RNF144B: variants seen among roughly 807,000 people sequenced by gnomAD.
RNF144B encodes ring finger protein 144B.
In RNF144B, 25 loss-of-function variants were observed where a neutral mutation model predicts 40.2. The observed-to-expected ratio is 0.62, with a 90% CI of 0.45 to 0.87. RNF144B has a LOEUF of 0.87. Among genes scored for constraint, RNF144B ranks in the 40% least tolerant of loss-of-function variants. The probability of loss-of-function intolerance (pLI) is 0.00; values close to 1 mark genes in which losing one functional copy is unlikely to be tolerated. For synonymous variants in RNF144B, 145 were observed against 136.3 expected (o/e 1.06, Z -0.44); for missense variants, 365 against 373.7 (o/e 0.98, Z 0.19).
Position 18,423,189 on chromosome 6 carries a change from G to A in RNF144B, c.166-4392G>A, listed in dbSNP as rs562996289. Among the ~76,000 whole-genome samples the A allele has an allele frequency of 1.4e-4, 22 of 152,238 alleles. No homozygotes were observed. In the East Asian group the frequency reaches 4.3e-3, roughly 29 times the overall value. On this transcript the variant is annotated intron_variant, in intron 2 of 7. Coordinates refer to ENST00000259939, the MANE Select transcript of RNF144B (RefSeq NM_182757.4). Reference sequence around the variant, plus strand: ...GAATGGGGGACTCTCCATTTTCCCTGAGAGCAGCTTAGACAGGTGATATTG... The same window carrying A: ...GAATGGGGGACTCTCCATTTTCCCTAAGAGCAGCTTAGACAGGTGATATTG...
rs564060343 is a variant in RNF144B, at chr6:18,419,199, C to T, written c.166-8382C>T. On this transcript the variant is annotated intron_variant, in intron 2 of 7. Coordinates refer to ENST00000259939, the MANE Select transcript of RNF144B (RefSeq NM_182757.4). The surrounding 1 kb of genome is among the most constrained non-coding windows in gnomAD (Gnocchi z 4.6). ...TCTCTGAAGTTCCTTATCCTCTGTCCATCCACCCCTCCTCCTCCTGCCTAT... is the reference window on the plus strand; with the variant it reads ...TCTCTGAAGTTCCTTATCCTCTGTCTATCCACCCCTCCTCCTCCTGCCTAT... Among the ~76,000 whole-genome samples, 2 of 152,256 alleles carry T rather than the reference C, an allele frequency of 1.3e-5. No homozygotes were observed. Among genetic ancestry groups the T allele is most frequent in the East Asian group, 1.9e-4 (1 of 5,188 alleles).
Position 18,447,605 on chromosome 6 carries a change from A to G in RNF144B, c.331+7861A>G, listed in dbSNP as rs546939175. ...GGCTGTGGTAGTGATCCAGTCCAAA[A>G]CAGTACAGTAGATTATATGTTAAAA... On this transcript the variant is annotated intron_variant, in intron 4 of 7. Transcript: ENST00000259939. The surrounding 1 kb of genome is among the most constrained non-coding windows in gnomAD (Gnocchi z 5.6). Among the ~76,000 whole-genome samples the G allele has an allele frequency of 5.9e-5, 9 of 152,278 alleles. No homozygotes were observed. The East Asian group carries it at 1.5e-3, about 26-fold the overall frequency.
At chr6:18,435,529 G>A (rs1758797008) in intron 3 of RNF144B, among the ~76,000 whole-genome samples, 1 of 152,270 alleles carries the variant, frequency 6.6e-6, no homozygotes, top group African/African-American at 2.4e-5. Flanking sequence ...TTTTTGGCAA[G>A]AATTGTCAGT....
At chr6:18,463,691 C>G (rs1307339030) in intron 7 of RNF144B, among the ~76,000 whole-genome samples, 1 of 152,184 alleles carries the variant, frequency 6.6e-6, no homozygotes, top group Admixed American at 6.5e-5. Flanking sequence ...TCCTAAAGCC[C>G]TTTAAGGCAT....
Position 18,398,621 on chromosome 6 carries a change from T to A in RNF144B, c.-36-878T>A, listed in dbSNP as rs1169579772. Reference sequence around the variant, plus strand: ...GTTGGCCAGGCTGGTCTTGAACTCCTGACCTCAAGCAATCCACCTGCCTCG... The same window carrying A: ...GTTGGCCAGGCTGGTCTTGAACTCCAGACCTCAAGCAATCCACCTGCCTCG... On this transcript the variant is annotated intron_variant, in intron 1 of 7. Coordinates refer to ENST00000259939, the MANE Select transcript of RNF144B (RefSeq NM_182757.4). This position sits in a 1 kb window ranked among gnomAD's most constrained non-coding sequence, Gnocchi z 5.0. 6.6e-6 allele frequency among the ~76,000 whole-genome samples: 1 copy of A among 152,212 alleles called. No individual in the cohort carries two copies. Among genetic ancestry groups the A allele is most frequent in the Non-Finnish European group, 1.5e-5 (1 of 68,028 alleles).
intron 3 of RNF144B, among the ~76,000 whole-genome samples, chr6:18,436,537 A>G (rs965485407): frequency 6.6e-6 from 1 of 152,128 alleles, no homozygotes; most frequent in African/African-American, 2.4e-5. Context: ...GGGGAATGGC[A>G]TTTGGTAACT....
chr6:18,400,714 G>C lies in RNF144B; in HGVS notation c.165+1015G>C, dbSNP rs1020314035. ...CTGTTGAGCAGGAACTATGTCCCAG[G>C]AATGGTTCTAGGCACGAGGATTTAT... On this transcript the variant is annotated intron_variant, in intron 2 of 7. Transcript: ENST00000259939. This position sits in a 1 kb window ranked among gnomAD's most constrained non-coding sequence, Gnocchi z 5.6. Among the ~76,000 whole-genome samples the C allele has an allele frequency of 6.6e-6, 1 of 152,182 alleles. No individual in the cohort carries two copies. Among genetic ancestry groups the C allele is most frequent in the Non-Finnish European group, 1.5e-5 (1 of 68,026 alleles).
rs150437589 is a variant in RNF144B at position 18,410,047 on chromosome 6, A to G, written c.165+10348A>G. Among the ~76,000 whole-genome samples the G allele has an allele frequency of 2.4e-4, 37 of 152,234 alleles. No homozygotes were observed. The highest frequency in any genetic ancestry group is 8.2e-4 in the African/African-American group (34 of 41,542). On this transcript the variant is annotated intron_variant, in intron 2 of 7. Transcript: ENST00000259939. This position sits in a 1 kb window ranked among gnomAD's most constrained non-coding sequence, Gnocchi z 4.6. ...TGTGTAGACTTTTCCCCCCTTAAGC[A>G]TGCCTTTGCCAAAGTTTAATTCTTC...
rs1476581485 is a variant in RNF144B, at chr6:18,463,387, T to G, written c.771+7T>G. 1 of 1,580,622 alleles carries G rather than the reference T, an allele frequency of 6.3e-7. No homozygotes were observed. The highest frequency in any genetic ancestry group is 1.3e-5 in the African/African-American group (1 of 74,374). ...GATGTGGAACCGAACACAGGTACCC[T>G]GACCTTATAGGGAGCGTGACATAAA... On this transcript the variant is annotated splice_region_variant and intron_variant, in intron 7 of 7. Coordinates refer to ENST00000259939, the MANE Select transcript of RNF144B (RefSeq NM_182757.4).
Position 18,405,514 on chromosome 6 carries a change from G to T in RNF144B, c.165+5815G>T, listed in dbSNP as rs1303877173. On this transcript the variant is annotated intron_variant, in intron 2 of 7. Coordinates refer to ENST00000259939, the MANE Select transcript of RNF144B (RefSeq NM_182757.4). This position sits in a 1 kb window ranked among gnomAD's most constrained non-coding sequence, Gnocchi z 4.5. The stretch of plus-strand genomic sequence containing the variant: ...ATGCTTTCCCTTAACTTTGCTTGGG[G>T]TGGTTAGCAGTAAATCAGTGAATTT... Among the ~76,000 whole-genome samples the T allele has an allele frequency of 2.6e-5, 4 of 152,130 alleles. No individual in the cohort carries two copies. Among genetic ancestry groups the T allele is most frequent in the Non-Finnish European group, 5.9e-5 (4 of 68,024 alleles).
intron 4 of RNF144B, among the ~76,000 whole-genome samples, chr6:18,445,519 C>T (rs1324574): frequency 0.33 from 50,276 of 152,012 alleles, 8,915 homozygotes; most frequent in East Asian, 0.51. Flanking sequence ...GATCACATAG[C>T]TGTGGGGCTT....
At chr6:18,411,498 T>TATATA (rs1491215297) in intron 2 of RNF144B, among the ~76,000 whole-genome samples, 2 of 11,584 alleles carry the variant, frequency 1.7e-4, no homozygotes, top group African/African-American at 2.4e-4. Context: ...TATATATATA[T>TATATA]TTTTTTTTTT....
chr6:18,436,358 A>G (rs1338686887), intron 3 of RNF144B, among the ~76,000 whole-genome samples: 2 of 152,230 alleles, frequency 1.3e-5, no homozygotes, highest in African/African-American at 4.8e-5. Flanking sequence ...CTTAGACTGA[A>G]AAAAAGACCT....
In RNF144B at chr6:18,410,941, A is replaced by G. The variant is rs1364432377; in HGVS notation, c.165+11242A>G. On this transcript the variant is annotated intron_variant, in intron 2 of 7. Transcript: ENST00000259939. The surrounding 1 kb of genome is among the most constrained non-coding windows in gnomAD (Gnocchi z 4.6). ...TGTGCCCCAATTTCTCTTTTTTCCT[A>G]TCCATTTGGGATACTGTCAGCTTTC... Among the ~76,000 whole-genome samples the G allele has an allele frequency of 6.6e-6, 1 of 151,332 alleles. No individual in the cohort carries two copies. Among genetic ancestry groups the G allele is most frequent in the East Asian group, 1.9e-4 (1 of 5,164 alleles).
In RNF144B at chr6:18,406,692, G is replaced by A. The variant is rs549926263; in HGVS notation, c.165+6993G>A. On this transcript the variant is annotated intron_variant, in intron 2 of 7. Coordinates refer to ENST00000259939, the MANE Select transcript of RNF144B (RefSeq NM_182757.4). This position sits in a 1 kb window ranked among gnomAD's most constrained non-coding sequence, Gnocchi z 4.2. ...AGCTCAGGCAGTCAGGCAGGGAGAC[G>A]AATTCTTTCCTCCTTTTGTTCTTTT... Among the ~76,000 whole-genome samples the A allele has an allele frequency of 1.3e-5, 2 of 152,020 alleles. No individual in the cohort carries two copies. The highest frequency in any genetic ancestry group is 4.8e-5 in the African/African-American group (2 of 41,378).
In RNF144B at chr6:18,414,312, A is replaced by G. The variant is rs1562045196; in HGVS notation, c.166-13269A>G. Among the ~76,000 whole-genome samples the G allele has an allele frequency of 6.6e-6, 1 of 152,196 alleles. No homozygotes were observed. The highest frequency in any genetic ancestry group is 2.4e-5 in the African/African-American group (1 of 41,452). ...AAGAGGAAGTTTAAGGGTTAGGTCT[A>G]TTCTTAACTGATGTCCCTTGTTCCT... is the stretch of plus-strand genomic sequence containing the variant. On this transcript the variant is annotated intron_variant, in intron 2 of 7. Transcript: ENST00000259939. The surrounding 1 kb of genome is among the most constrained non-coding windows in gnomAD (Gnocchi z 4.9).
intron 2 of RNF144B, among the ~76,000 whole-genome samples, chr6:18,421,271 T>TACAC (rs200527921): frequency 0.047 from 6,169 of 130,794 alleles, 182 homozygotes; most frequent in East Asian, 0.098. Context: ...AATTATATAT[T>TACAC]ATACACACAC....
In RNF144B at chr6:18,428,416, A is replaced by G. The variant is rs528482473; in HGVS notation, c.270+731A>G. ...AAATATAAACTATTGTGATTCCACAATGATAGCCTGAGTTGAACCATTTCC... is the reference window on the plus strand; with the variant it reads ...AAATATAAACTATTGTGATTCCACAGTGATAGCCTGAGTTGAACCATTTCC... On this transcript the variant is annotated intron_variant, in intron 3 of 7. Transcript: ENST00000259939. 9.8e-5 allele frequency among the ~76,000 whole-genome samples: 15 copies of G among 152,352 alleles called. No homozygotes were observed. In the South Asian group the frequency reaches 2.9e-3, roughly 29 times the overall value.
At chr6:18,454,423 TAG>T (rs911864894) in intron 4 of RNF144B, among the ~76,000 whole-genome samples, 1 of 152,212 alleles carries the variant, frequency 6.6e-6, no homozygotes, top group Non-Finnish European at 1.5e-5. Context: ...CCTTTTTGGA[TAG>T]AGTCAAAATC....
Sources: gnomAD v4.1 joint callset for allele counts (sites outside exome capture counted in the v4.1 genomes callset) on GRCh38, gnomAD v4.1.1 for gene constraint, Gnocchi (gnomAD v3.1) non-coding constraint, MANE v1.5 for transcripts, NCBI Gene and HGNC (gene_info 2026-07-23, HGNC 2026-07-21) for gene names.